The following NR1H4 variants were observed in gnomAD, a reference collection of about 807,000 sequenced individuals.
The protein encoded by NR1H4 is bile acid receptor.
In NR1H4, 23 loss-of-function variants were observed where a neutral mutation model predicts 58.5. The ratio of observed to expected loss-of-function variants is 0.39; its 90% confidence interval spans 0.28 to 0.56. NR1H4 has a LOEUF of 0.56. Among genes scored for constraint, NR1H4 ranks in the 20% least tolerant of loss-of-function variants. The probability of loss-of-function intolerance (pLI) is 0.58; values close to 1 mark genes in which losing one functional copy is unlikely to be tolerated. For missense variants in NR1H4, 487 were observed against 576.9 expected (o/e 0.84, Z 1.60); for synonymous variants, 214 against 198.0 (o/e 1.08, Z -0.68).
At chr12:100,485,721 A>C (rs1292598094) in intron 1 of NR1H4, among the ~76,000 whole-genome samples, 1 of 151,862 alleles carries the variant, frequency 6.6e-6, no homozygotes, top group Non-Finnish European at 1.5e-5. Flanking sequence ...TGTAGTAGAG[A>C]AGGGATTTCA....
intron 4 of NR1H4, among the ~76,000 whole-genome samples, chr12:100,515,780 A>T (rs1954250361): frequency 6.6e-6 from 1 of 152,200 alleles, no homozygotes; most frequent in Admixed American, 6.5e-5. Context: ...TTATATTGAT[A>T]AATATTGATG....
chr12:100,493,463 G>A (rs1420759974), intron 3 of NR1H4, 61 bp downstream of exon 3: 8 of 848,424 alleles, frequency 9.4e-6, no homozygotes, highest in Non-Finnish European at 1.6e-5. Flanking sequence ...AAATACATGA[G>A]GAAATGCCTA....
intron 9 of NR1H4, among the ~76,000 whole-genome samples, chr12:100,541,875 G>A (rs1013335369): frequency 1.3e-5 from 2 of 151,954 alleles, no homozygotes; most frequent in African/African-American, 2.4e-5. Context: ...AGGATTAAAG[G>A]CATGAGCCAC....
intron 7 of NR1H4, 110 bp downstream of exon 7, chr12:100,536,720 G>A (rs1954822807): frequency 2.7e-6 from 2 of 730,940 alleles, no homozygotes; most frequent in Non-Finnish European, 4.7e-6. Context: ...AATGATTAGA[G>A]CTGAGAATTC....
At chr12:100,508,675 C>T (rs1954030653) in intron 3 of NR1H4, among the ~76,000 whole-genome samples, 1 of 152,118 alleles carries the variant, frequency 6.6e-6, no homozygotes, top group Non-Finnish European at 1.5e-5. Flanking sequence ...ATACAAGTGC[C>T]TGCTACTACG....
chr12:100,545,662 A>AAACC (rs1565777413), intron 9 of NR1H4, among the ~76,000 whole-genome samples: 1 of 140,686 alleles, frequency 7.1e-6, no homozygotes, highest in African/African-American at 3.1e-5. Context: ...AAAAAAAAAA[A>AAACC]AAAAAAACCA....
intron 1 of NR1H4, among the ~76,000 whole-genome samples, chr12:100,481,680 C>A (rs910011155): frequency 6.6e-6 from 1 of 151,844 alleles, no homozygotes; most frequent in South Asian, 2.1e-4. Context: ...TTTGGGAGGC[C>A]GAAGCTGGCA....
intron 1 of NR1H4, among the ~76,000 whole-genome samples, chr12:100,477,333 G>A (rs989610288): frequency 1.3e-5 from 2 of 151,904 alleles, no homozygotes; most frequent in Non-Finnish European, 2.9e-5. Context: ...GGGTTCTGGT[G>A]ATTAAAATAA....
intron 9 of NR1H4, among the ~76,000 whole-genome samples, chr12:100,544,479 A>AT (rs1353841651): frequency 6.6e-6 from 1 of 151,976 alleles, no homozygotes; most frequent in African/African-American, 2.4e-5. Context: ...TACATGTCCC[A>AT]TTTTTTTAAA....
chr12:100,553,146 G>C (rs563421231), intron 9 of NR1H4, among the ~76,000 whole-genome samples: 30 of 152,190 alleles, frequency 2.0e-4, no homozygotes, highest in South Asian at 1.2e-3. Context: ...CTACAGGCGC[G>C]TGCCACCACA....
chr12:100,508,661 G>A (rs1954030209), intron 3 of NR1H4, among the ~76,000 whole-genome samples: 1 of 152,088 alleles, frequency 6.6e-6, no homozygotes, highest in Admixed American at 6.5e-5. Context: ...GAATAAATGA[G>A]AACATACAAG....
chr12:100,487,611 T>C (rs1267850880), intron 1 of NR1H4, among the ~76,000 whole-genome samples: 1 of 148,624 alleles, frequency 6.7e-6, no homozygotes, highest in African/African-American at 2.5e-5. Flanking sequence ...TTTTTTTTTT[T>C]TTTGAGACGA....
intron 4 of NR1H4, among the ~76,000 whole-genome samples, chr12:100,524,462 C>G (rs964213023): frequency 3.9e-5 from 6 of 152,146 alleles, no homozygotes; most frequent in African/African-American, 1.4e-4. Flanking sequence ...CTACCTGGCA[C>G]TTTAAATGGT....
intron 3 of NR1H4, among the ~76,000 whole-genome samples, chr12:100,509,298 ATGTC>A (rs1405302118): frequency 6.6e-6 from 1 of 152,118 alleles, no homozygotes; most frequent in East Asian, 1.9e-4. Flanking sequence ...TCTCTTATTT[ATGTC>A]TATTTTTTCA....
intron 4 of NR1H4, among the ~76,000 whole-genome samples, chr12:100,517,189 C>T (rs1192579786): frequency 1.3e-5 from 2 of 152,146 alleles, no homozygotes; most frequent in Non-Finnish European, 2.9e-5. Flanking sequence ...CCCTTCTCCC[C>T]CCATCCTCCT....
At chr12:100,493,165 G>T in intron 2 of NR1H4, 105 bp from the exon 3 acceptor site, 1 of 632,824 alleles carries the variant, frequency 1.6e-6, no homozygotes, top group Non-Finnish European at 2.8e-6. Flanking sequence ...CATTCAAAGG[G>T]AGCCATTTGT....
chr12:100,495,380 C>T (rs563491605), intron 3 of NR1H4, among the ~76,000 whole-genome samples: 2 of 152,216 alleles, frequency 1.3e-5, no homozygotes, highest in Middle Eastern at 3.4e-3. Flanking sequence ...TGTAGAGCCA[C>T]GTCTAAGCAT....
At chr12:100,532,326 T>C (rs1954712900) in intron 4 of NR1H4, 132 bp from the exon 5 acceptor site, 2 of 733,188 alleles carry the variant, frequency 2.7e-6, no homozygotes, top group East Asian at 2.5e-5. Context: ...TTGTCACTGG[T>C]GTGCTCAAGG....
chr12:100,505,803 G>A (rs964570818), intron 3 of NR1H4: 4 of 507,128 alleles, frequency 7.9e-6, no homozygotes, highest in Admixed American at 3.4e-5. Flanking sequence ...AATTAAAGTC[G>A]AACTACCTCT....
Sources: allele counts gnomAD v4.1 joint callset (sites outside exome capture counted in the v4.1 genomes callset), GRCh38; gene constraint gnomAD v4.1.1; transcripts MANE v1.5; gene names NCBI Gene and HGNC (gene_info 2026-07-23, HGNC 2026-07-21).